TBXAS1: variants seen among roughly 807,000 people sequenced by gnomAD.
TBXAS1 encodes thromboxane-A synthase.
TBXAS1 carries 48 observed loss-of-function variants against 60.7 expected under a neutral mutation model. The ratio of observed to expected loss-of-function variants is 0.79; its 90% CI spans 0.63 to 1.01. The LOEUF (loss-of-function observed/expected upper bound fraction) is 1.01, where lower values mean the gene tolerates loss of function less well. TBXAS1 is among the 50% of genes least tolerant of loss of function. The probability of loss-of-function intolerance (pLI) is 0.00; values close to 1 mark genes in which losing one functional copy is unlikely to be tolerated. For synonymous variants in TBXAS1, 287 were observed against 269.7 expected, an observed-to-expected ratio of 1.06 and a Z score of -0.63; for missense variants, 685 against 686.3, an observed-to-expected ratio of 1.00 and a Z score of 0.02.
intron 4 of TBXAS1, among the ~76,000 whole-genome samples, chr7:139,928,943 G>C (rs369999014): frequency 2.7e-4 from 41 of 152,318 alleles, no homozygotes; most frequent in African/African-American, 9.6e-4. Flanking sequence ...TCTAAACTGT[G>C]TTCATGAAAG....
intron 4 of TBXAS1, among the ~76,000 whole-genome samples, chr7:139,814,661 C>G (rs4726815): frequency 0.7 from 106,091 of 151,966 alleles, 38,769 homozygotes; most frequent in East Asian, 0.92. Context: ...AGCAACAAGA[C>G]AAAGCATGTC....
intron 5 of TBXAS1, chr7:139,952,624 C>T (rs1315508085): frequency 6.5e-7 from 1 of 1,537,182 alleles, no homozygotes. Context: ...AGAATTCCAC[C>T]CACCCGTTTG....
In TBXAS1 at chr7:139,953,347, A is replaced by G. The variant is rs759826709; in HGVS notation, c.451-21A>G. 1.9e-6 allele frequency: 3 copies of G among 1,604,448 alleles called. No homozygotes were observed. The Admixed American group carries it at 5.0e-5, about 27-fold the overall frequency. ...ACTCCCGGCATGGTGCCCTAATTAC[A>G]CCTTTGTTATCCATTATCAGATGGT... is the stretch of plus-strand genomic sequence containing the variant. On this transcript the variant is annotated intron_variant, in intron 5 of 12. Coordinates refer to ENST00000448866, the MANE Select transcript of TBXAS1 (RefSeq NM_001061.7).
chr7:139,987,726 G>A (rs570471225), intron 9 of TBXAS1, among the ~76,000 whole-genome samples: 13 of 152,282 alleles, frequency 8.5e-5, no homozygotes, highest in Non-Finnish European at 1.3e-4. Flanking sequence ...AAGCTAATTC[G>A]CAGGGATATG....
chr7:139,942,574 C>T (rs1808378222), intron 5 of TBXAS1, among the ~76,000 whole-genome samples: 1 of 152,196 alleles, frequency 6.6e-6, no homozygotes, highest in Non-Finnish European at 1.5e-5. Context: ...AAATGATGGG[C>T]TTTCTTCATT....
chr7:140,012,689 C>T (rs1569525065), intron 10 of TBXAS1, among the ~76,000 whole-genome samples: 1 of 152,008 alleles, frequency 6.6e-6, no homozygotes, highest in Non-Finnish European at 1.5e-5. Context: ...CAGCTCCTGA[C>T]CTCAGGTGAT....
intron 9 of TBXAS1, among the ~76,000 whole-genome samples, chr7:140,006,375 G>A (rs1346069285): frequency 2.6e-5 from 4 of 152,152 alleles, no homozygotes; most frequent in African/African-American, 7.2e-5. Context: ...AGAGTCACCC[G>A]GGGGTGTTAG....
chr7:139,815,308 A>G (rs1798118222), intron 4 of TBXAS1, among the ~76,000 whole-genome samples: 2 of 152,228 alleles, frequency 1.3e-5, no homozygotes, highest in African/African-American at 2.4e-5. Flanking sequence ...AGGAGCCTCC[A>G]TGGAGCTCCT....
At chr7:139,997,556 C>T (rs963805399) in intron 9 of TBXAS1, among the ~76,000 whole-genome samples, 4 of 151,872 alleles carry the variant, frequency 2.6e-5, no homozygotes, top group African/African-American at 7.3e-5. Flanking sequence ...TCCTATTTCC[C>T]CCTCCCCCCA....
At chr7:139,847,210 C>CA (rs999485192) in intron 1 of TBXAS1, among the ~76,000 whole-genome samples, 15 of 152,124 alleles carry the variant, frequency 9.9e-5, no homozygotes, top group African/African-American at 2.9e-4. Context: ...TTTCCCATGA[C>CA]AAAATTTACA....
intron 1 of TBXAS1, among the ~76,000 whole-genome samples, chr7:139,850,567 G>A (rs1800147410): frequency 6.6e-6 from 1 of 152,084 alleles, no homozygotes; most frequent in Non-Finnish European, 1.5e-5. Flanking sequence ...GCTGAGTAGT[G>A]TCCCCTCGCC....
chr7:139,958,541 T>C (rs1004256322), intron 8 of TBXAS1, among the ~76,000 whole-genome samples: 1 of 152,260 alleles, frequency 6.6e-6, no homozygotes, highest in African/African-American at 2.4e-5. Context: ...TTTCCTTAGC[T>C]GGCTCGTGCA....
At chr7:139,989,845 CTGAG>C (rs2117586497) in intron 9 of TBXAS1, among the ~76,000 whole-genome samples, 1 of 152,286 alleles carries the variant, frequency 6.6e-6, no homozygotes, top group South Asian at 2.1e-4. Flanking sequence ...AATCAGGGTG[CTGAG>C]TGAGTCCCTG....
chr7:139,843,320 CTTTATTTATTTA>C lies in TBXAS1; in HGVS notation c.89+13870_89+13881del, dbSNP rs3070196. Among the ~76,000 whole-genome samples, 1,279 of 147,860 alleles carry C rather than the reference CTTTATTTATTTA, an allele frequency of 8.7e-3. 26 individuals are homozygous for C. The highest frequency in any genetic ancestry group is 0.03 in the African/African-American group (1,188 of 39,906). On this transcript the variant is annotated intron_variant, in intron 1 of 12. Coordinates refer to ENST00000448866, the MANE Select transcript of TBXAS1 (RefSeq NM_001061.7). ...GGCTATCTCGGCACTTACTACTTTA[CTTTATTTATTTA>C]TTTATTTATTTATTTATTTATTTAT...
At chr7:139,902,142 G>C (rs1424569299) in intron 3 of TBXAS1, among the ~76,000 whole-genome samples, 1 of 151,724 alleles carries the variant, frequency 6.6e-6, no homozygotes, top group Non-Finnish European at 1.5e-5. Context: ...GTGTGTGTGT[G>C]TGTGTGTGTA....
intron 1 of TBXAS1, among the ~76,000 whole-genome samples, chr7:139,845,310 C>T (rs1799722978): frequency 6.6e-6 from 1 of 152,060 alleles, no homozygotes; most frequent in Non-Finnish European, 1.5e-5. Flanking sequence ...CTGACCTGGT[C>T]CCCTGCCCCT....
chr7:139,862,341 A>G (rs1801030602), intron 1 of TBXAS1, among the ~76,000 whole-genome samples: 3 of 152,156 alleles, frequency 2.0e-5, no homozygotes, highest in African/African-American at 7.2e-5. Flanking sequence ...GAGGGAAGAG[A>G]GTGCTTCAGG....
intron 4 of TBXAS1, among the ~76,000 whole-genome samples, chr7:139,818,573 G>A (rs1455288301): frequency 6.6e-6 from 1 of 152,146 alleles, no homozygotes; most frequent in African/African-American, 2.4e-5. Flanking sequence ...CATACCACCT[G>A]CTGACATATT....
intron 3 of TBXAS1, among the ~76,000 whole-genome samples, chr7:139,786,197 C>T (rs1481931691): frequency 6.6e-6 from 1 of 151,620 alleles, no homozygotes; most frequent in Admixed American, 6.6e-5. Flanking sequence ...CATTTCTCTG[C>T]ACCTCAGTTT....
Sources: gnomAD v4.1 joint callset for allele counts (sites outside exome capture counted in the v4.1 genomes callset) on GRCh38, gnomAD v4.1.1 for gene constraint, MANE v1.5 for transcripts, NCBI Gene and HGNC (gene_info 2026-07-23, HGNC 2026-07-21) for gene names.